HCN1: variants seen among roughly 807,000 people sequenced by gnomAD.
HCN1 encodes potassium/sodium hyperpolarization-activated cyclic nucleotide-gated channel 1.
HCN1 carries 13 observed loss-of-function variants against 78.9 expected under a neutral mutation model. The ratio of observed to expected loss-of-function variants is 0.16; its 90% CI spans 0.11 to 0.26. The LOEUF is 0.26. Ranked by LOEUF, HCN1 falls within the 10% of genes least tolerant of loss-of-function variation. HCN1 has a pLI of 1.00. For synonymous variants in HCN1, 552 were observed against 455.5 expected (o/e 1.21, Z -2.70); for missense variants, 810 against 1,154.3 (o/e 0.70, Z 4.32).
Position 45,490,534 on chromosome 5 carries a change from G to T in HCN1, c.850-28527C>A, listed in dbSNP as rs115645558. 5.2e-3 allele frequency among the ~76,000 whole-genome samples: 784 copies of T among 152,156 alleles called. 10 individuals carry two copies. The highest frequency in any genetic ancestry group is 0.017 in the African/African-American group (698 of 41,538). On this transcript the variant is annotated intron_variant, in intron 2 of 7. Coordinates refer to ENST00000303230, the MANE Select transcript of HCN1 (RefSeq NM_021072.4). ...TTCTTCCCAGAAATAGATAAAATGT[G>T]ATGCCACAATTCCCAGTCAACCCTT...
At chr5:45,566,918 G>A (rs1254168714) in intron 2 of HCN1, among the ~76,000 whole-genome samples, 1 of 152,156 alleles carries the variant, frequency 6.6e-6, no homozygotes, top group Non-Finnish European at 1.5e-5. Context: ...AAGTAAAAGT[G>A]TCAGTCTGTT....
intron 2 of HCN1, among the ~76,000 whole-genome samples, chr5:45,563,315 G>A (rs1339326964): frequency 4.6e-5 from 7 of 151,994 alleles, no homozygotes; most frequent in Non-Finnish European, 1.0e-4. Flanking sequence ...AGCCAGGTGT[G>A]GTGGCGGGTG....
intron 5 of HCN1, among the ~76,000 whole-genome samples, chr5:45,339,638 A>G (rs1746533967): frequency 6.6e-6 from 1 of 152,190 alleles, no homozygotes; most frequent in Non-Finnish European, 1.5e-5. Context: ...ATCAATCAAT[A>G]TGGTAGCTCT....
At chr5:45,582,157 GGA>G (rs1227337555) in intron 2 of HCN1, among the ~76,000 whole-genome samples, 1 of 152,140 alleles carries the variant, frequency 6.6e-6, no homozygotes, top group African/African-American at 2.4e-5. Flanking sequence ...CCATGAGCAT[GGA>G]ATGTTCTTCC....
intron 3 of HCN1, among the ~76,000 whole-genome samples, chr5:45,452,221 T>C (rs1367230352): frequency 6.6e-6 from 1 of 151,974 alleles, no homozygotes; most frequent in Non-Finnish European, 1.5e-5. Context: ...AAATATGAGA[T>C]ACTGGATGTA....
chr5:45,492,523 T>G (rs932908227), intron 2 of HCN1, among the ~76,000 whole-genome samples: 12 of 142,888 alleles, frequency 8.4e-5, no homozygotes, highest in African/African-American at 2.9e-4. Flanking sequence ...TTTTTTGTTT[T>G]TTTTTTTTTT....
intron 2 of HCN1, among the ~76,000 whole-genome samples, chr5:45,634,848 AAGG>A (rs1745331326): frequency 6.6e-6 from 1 of 152,062 alleles, no homozygotes; most frequent in African/African-American, 2.4e-5. Flanking sequence ...AGTTAACTGA[AAGG>A]AGTTGTTCTG....
At chr5:45,499,513 G>T (rs1213448314) in intron 2 of HCN1, among the ~76,000 whole-genome samples, 5 of 152,100 alleles carry the variant, frequency 3.3e-5, no homozygotes, top group Non-Finnish European at 7.4e-5. Flanking sequence ...AGATGAACCC[G>T]GTACCTCAGA....
Position 45,695,907 on chromosome 5 carries a change from C to A in HCN1, c.187G>T (p.Gly63Cys). 6.6e-7 allele frequency: 1 copy of A among 1,510,412 alleles called. No homozygotes were observed. Among genetic ancestry groups the A allele is most frequent in the Non-Finnish European group, 8.8e-7 (1 of 1,136,262 alleles). 93.6% of individuals were successfully genotyped at this position (1,510,412 alleles called of 1,614,324 possible). A position where few individuals can be genotyped will look rare whatever the true frequency, so the allele number is the denominator to read the frequency against. Residue 63 changes from glycine to cysteine, a missense_variant, in exon 1 of 8, where the codon GGC becomes TGC. Around this residue, in one of 6 missense-constraint regions of HCN1, gnomAD observed 170 missense variants for 166.8 expected, o/e 1.02. Transcript: ENST00000303230. ...HGNSVCFKVDGGGGGGGGGGG... is the reference protein window; with the variant it reads ...HGNSVCFKVDCGGGGGGGGGG... ...CCGCCGCCGCCACCGCCGCCACCGC[C>A]GTCCACCTTGAAGCACACGGAGTTG...
intron 2 of HCN1, among the ~76,000 whole-genome samples, chr5:45,628,415 TAAAA>T (rs759545223): frequency 5.1e-4 from 78 of 152,052 alleles, no homozygotes; most frequent in Admixed American, 9.2e-4. Context: ...ATCACCTACT[TAAAA>T]AAATCACAAA....
chr5:45,390,696 A>G (rs752751794), intron 4 of HCN1, among the ~76,000 whole-genome samples: 4 of 152,144 alleles, frequency 2.6e-5, no homozygotes, highest in Admixed American at 6.6e-5. Context: ...ATCAAAATAC[A>G]AAGTTTGAAA....
chr5:45,290,790 A>G (rs1745357139), intron 6 of HCN1, among the ~76,000 whole-genome samples: 3 of 152,050 alleles, frequency 2.0e-5, no homozygotes, highest in Admixed American at 2.0e-4. Context: ...ATAGTCTCAT[A>G]GTTTCCATAT....
chr5:45,427,210 T>A (rs1476161887), intron 3 of HCN1, among the ~76,000 whole-genome samples: 1 of 152,092 alleles, frequency 6.6e-6, no homozygotes, highest in Non-Finnish European at 1.5e-5. Context: ...TACAAGCTGC[T>A]TGTTTCTAAG....
chr5:45,631,232 C>T (rs879601299), intron 2 of HCN1, among the ~76,000 whole-genome samples: 7 of 152,204 alleles, frequency 4.6e-5, no homozygotes, highest in Non-Finnish European at 8.8e-5. Flanking sequence ...TGCTTCAGTT[C>T]TCTGACTCCC....
intron 2 of HCN1, among the ~76,000 whole-genome samples, chr5:45,518,582 C>T (rs528824177): frequency 2.6e-5 from 4 of 152,028 alleles, no homozygotes; most frequent in Non-Finnish European, 5.9e-5. Flanking sequence ...GGCCCAACGA[C>T]GTAAATACTG....
rs568354721 is a variant in HCN1 at position 45,262,814 on chromosome 5, T to G, written c.1784-4A>C. On this transcript the variant is annotated splice_polypyrimidine_tract_variant and splice_region_variant and intron_variant, in intron 7 of 7. Transcript: ENST00000303230. Reference sequence around the variant, plus strand: ...AGAAGAATTGAATTTTTCTTTCCTGTCAGCAAAAGAAAGATAGGCACTTAG... The same window carrying G: ...AGAAGAATTGAATTTTTCTTTCCTGGCAGCAAAAGAAAGATAGGCACTTAG... The G allele has an allele frequency of 6.2e-7, 1 of 1,613,510 alleles. No homozygotes were observed. Among genetic ancestry groups the G allele is most frequent in the African/African-American group, 1.3e-5 (1 of 75,018 alleles).
intron 6 of HCN1, among the ~76,000 whole-genome samples, chr5:45,293,166 T>C (rs910737810): frequency 5.9e-5 from 9 of 152,014 alleles, no homozygotes; most frequent in African/African-American, 9.7e-5. Flanking sequence ...CTTTGAGGAA[T>C]TACAACACTG....
rs564524668 is a variant in HCN1 at position 45,260,775 on chromosome 5, C to T, written c.*1146G>A. ...GAAAACCTCACTTCTAGACTTAAGTCAGAGATCCAAGTCAGCCTTATAGGA... is the reference window on the plus strand; with the variant it reads ...GAAAACCTCACTTCTAGACTTAAGTTAGAGATCCAAGTCAGCCTTATAGGA... On this transcript the variant is annotated 3_prime_UTR_variant, in exon 8 of 8. Transcript: ENST00000303230. 2 of 152,592 alleles carry T rather than the reference C, an allele frequency of 1.3e-5. No homozygotes were observed. The highest frequency in any genetic ancestry group is 4.1e-4 in the South Asian group (2 of 4,822). 9.5% of individuals were successfully genotyped at this position (152,592 alleles called of 1,614,324 possible). A position where few individuals can be genotyped will look rare whatever the true frequency, so the allele number is the denominator to read the frequency against.
chr5:45,548,868 C>T (rs950785693), intron 2 of HCN1, among the ~76,000 whole-genome samples: 8 of 151,448 alleles, frequency 5.3e-5, no homozygotes, highest in African/African-American at 1.5e-4. Flanking sequence ...AAACAGAGAG[C>T]CAAATCATGA....
Sources: gnomAD v4.1 joint callset for allele counts (sites outside exome capture counted in the v4.1 genomes callset) on GRCh38, gnomAD v4.1.1 for gene constraint, gnomAD v4.1.1 regional missense constraint, MANE v1.5 for transcripts, NCBI Gene and HGNC (gene_info 2026-07-23, HGNC 2026-07-21) for gene names.